SEMA3D: variants seen among roughly 807,000 people sequenced by gnomAD.
SEMA3D encodes the protein semaphorin 3D, also known as semaphorin-3D.
In SEMA3D, 84 loss-of-function variants were observed where a neutral mutation model predicts 100.1. The ratio of observed to expected loss-of-function variants is 0.84; its 90% CI spans 0.70 to 1.01. The LOEUF is 1.01. Among genes scored for constraint, SEMA3D ranks in the 50% least tolerant of loss-of-function variants. The pLI, the probability that SEMA3D is intolerant of heterozygous loss-of-function variation, is 0.00. For missense variants in SEMA3D, 875 were observed against 934.1 expected (o/e 0.94, Z 0.82); for synonymous variants, 312 against 320.7 (o/e 0.97, Z 0.29).
At chr7:85,240,526 C>T in the SEMA3D span, among the ~76,000 whole-genome samples, 5 of 151,968 alleles carry the variant, frequency 3.3e-5, no homozygotes, top group African/African-American at 7.2e-5. Context: ...GGAAGTATTC[C>T]CCTCTGCTTA....
the SEMA3D span, among the ~76,000 whole-genome samples, chr7:85,236,527 T>C: frequency 0.92 from 139,820 of 151,812 alleles, 64,577 homozygotes; most frequent in African/African-American, 0.97. Flanking sequence ...AGGATGGTCT[T>C]GATCTCTTGA....
chr7:85,096,579 G>A (rs1305641418), intron 4 of SEMA3D, among the ~76,000 whole-genome samples: 2 of 151,782 alleles, frequency 1.3e-5, no homozygotes, highest in African/African-American at 2.4e-5. Context: ...TCTTTATTAA[G>A]TATGAGCCTT....
At chr7:85,224,377 G>A in the SEMA3D span, among the ~76,000 whole-genome samples, 2 of 152,172 alleles carry the variant, frequency 1.3e-5, no homozygotes, top group African/African-American at 2.4e-5. Flanking sequence ...AGCACAATTC[G>A]TCGTCTTGGA....
At chr7:85,126,640 A>G (rs1239402371) in intron 2 of SEMA3D, among the ~76,000 whole-genome samples, 2 of 151,882 alleles carry the variant, frequency 1.3e-5, no homozygotes, top group Non-Finnish European at 2.9e-5. Flanking sequence ...TCCTATTTTG[A>G]GCTATTGTTT....
At chr7:85,001,692 G>A (rs1439284146) in intron 18 of SEMA3D, among the ~76,000 whole-genome samples, 2 of 152,126 alleles carry the variant, frequency 1.3e-5, no homozygotes, top group African/African-American at 4.8e-5. Context: ...TCAAGTTGGT[G>A]GCACAGCATA....
intron 3 of SEMA3D, 73 bp from the exon 4 acceptor site, chr7:85,098,038 G>C: frequency 2.6e-6 from 2 of 766,604 alleles, no homozygotes; most frequent in Non-Finnish European, 3.8e-6. Flanking sequence ...AGGAGAGAAA[G>C]AAGAAAGAAA....
intron 11 of SEMA3D, among the ~76,000 whole-genome samples, chr7:85,039,071 T>C (rs1790780942): frequency 1.3e-5 from 2 of 152,154 alleles, no homozygotes; most frequent in African/African-American, 4.8e-5. Flanking sequence ...TATACTGATG[T>C]CAATATACAT....
At chr7:85,027,166 G>T (rs747455037) in intron 12 of SEMA3D, among the ~76,000 whole-genome samples, 26 of 152,126 alleles carry the variant, frequency 1.7e-4, no homozygotes, top group Non-Finnish European at 3.5e-4. Flanking sequence ...GTATGCCAGG[G>T]CCCAGAGCTG....
chr7:85,084,203 T>A (rs1788151875), intron 4 of SEMA3D, among the ~76,000 whole-genome samples: 1 of 152,164 alleles, frequency 6.6e-6, no homozygotes, highest in African/African-American at 2.4e-5. Flanking sequence ...AGATATGAGC[T>A]TATGAACTCT....
chr7:85,188,663 T>G (rs1045150428), upstream of SEMA3D, among the ~76,000 whole-genome samples: 1 of 152,222 alleles, frequency 6.6e-6, no homozygotes, highest in Non-Finnish European at 1.5e-5. Context: ...TTTAAATAAT[T>G]TTGTCAGTTT....
At chr7:85,175,756 C>G (rs1004923313) in intron 1 of SEMA3D, among the ~76,000 whole-genome samples, 7 of 152,052 alleles carry the variant, frequency 4.6e-5, no homozygotes, top group African/African-American at 1.4e-4. Flanking sequence ...ATTGGCCAAT[C>G]TGCTTGGGAA....
intron 1 of SEMA3D, among the ~76,000 whole-genome samples, chr7:85,179,654 G>T (rs1791338577): frequency 7.3e-6 from 1 of 136,300 alleles, no homozygotes; most frequent in Admixed American, 8.1e-5. Context: ...TGAGACTATG[G>T]ACTTGAACTT....
intron 5 of SEMA3D, among the ~76,000 whole-genome samples, chr7:85,077,959 T>C (rs551828446): frequency 1.3e-5 from 2 of 152,256 alleles, no homozygotes; most frequent in East Asian, 1.9e-4. Context: ...GGGGATTGAT[T>C]AAATAATACA....
chr7:85,016,075 TA>T (rs1335105244), intron 15 of SEMA3D, among the ~76,000 whole-genome samples: 1 of 151,712 alleles, frequency 6.6e-6, no homozygotes, highest in African/African-American at 2.4e-5. Context: ...TAGCACCCAT[TA>T]AACTGTCAGT....
chr7:85,007,367 G>T (rs929985009), intron 17 of SEMA3D, among the ~76,000 whole-genome samples: 1 of 151,620 alleles, frequency 6.6e-6, no homozygotes, highest in Non-Finnish European at 1.5e-5. Context: ...ATCATGAATT[G>T]GTCCACAGAG....
chr7:85,018,932 C>A (rs1271856037), intron 14 of SEMA3D, among the ~76,000 whole-genome samples: 4 of 151,710 alleles, frequency 2.6e-5, no homozygotes, highest in Non-Finnish European at 5.9e-5. Context: ...TACCTATCAT[C>A]TATCTACTAT....
At chr7:85,029,370 C>G in intron 12 of SEMA3D, 1 of 1,289,280 alleles carries the variant, frequency 7.8e-7, no homozygotes, top group South Asian at 1.2e-5. Context: ...AGGTGTCATC[C>G]AAGAATTCAC....
intron 2 of SEMA3D, among the ~76,000 whole-genome samples, chr7:85,135,306 AG>A (rs1237691834): frequency 1.3e-5 from 2 of 152,142 alleles, no homozygotes; most frequent in African/African-American, 4.8e-5. Flanking sequence ...ATTATAGACT[AG>A]GAGAGTTCCT....
intron 2 of SEMA3D, chr7:85,143,171 C>A: frequency 1.0e-6 from 1 of 980,076 alleles, no homozygotes; most frequent in Non-Finnish European, 1.2e-6. Context: ...ATGGTACCTG[C>A]ATATAAAATC....
Sources: allele counts gnomAD v4.1 joint callset (sites outside exome capture counted in the v4.1 genomes callset), GRCh38; gene constraint gnomAD v4.1.1; transcripts MANE v1.5; gene names NCBI Gene and HGNC (gene_info 2026-07-23, HGNC 2026-07-21).